EDARADD: variants seen among roughly 807,000 people sequenced by gnomAD.
EDARADD encodes ectodysplasin-A receptor-associated adapter protein.
In EDARADD, 20 loss-of-function variants were observed where a neutral mutation model predicts 25.6. That is an observed-to-expected ratio of 0.78 (90% confidence interval 0.55 to 1.14). The LOEUF (loss-of-function observed/expected upper bound fraction) is 1.14, where lower values mean the gene tolerates loss of function less well. EDARADD is among the 50% of genes most tolerant of loss of function. The probability of loss-of-function intolerance (pLI) is 0.00; values close to 1 mark genes in which losing one functional copy is unlikely to be tolerated. For synonymous variants in EDARADD, 86 were observed against 94.4 expected (o/e 0.91, Z 0.52); for missense variants, 225 against 270.1 (o/e 0.83, Z 1.17).
chr1:236,391,443 A>C (rs1667424986), upstream of EDARADD, among the ~76,000 whole-genome samples: 1 of 152,196 alleles, frequency 6.6e-6, no homozygotes, highest in African/African-American at 2.4e-5. Context: ...TCCATCACAT[A>C]TGATTCACTA....
intron 1 of EDARADD, among the ~76,000 whole-genome samples, chr1:236,396,338 T>C (rs1225344621): frequency 6.6e-6 from 1 of 152,200 alleles, no homozygotes; most frequent in Non-Finnish European, 1.5e-5. Context: ...CCTGGAGTTC[T>C]CTCTCTCCGC....
intron 4 of EDARADD, among the ~76,000 whole-genome samples, chr1:236,438,009 C>T (rs1367201533): frequency 6.6e-6 from 1 of 152,082 alleles, no homozygotes; most frequent in Non-Finnish European, 1.5e-5. Context: ...TGCGCCCTGC[C>T]CAGGGTCGGT....
chr1:236,419,491 G>T (rs1405569207), intron 3 of EDARADD, among the ~76,000 whole-genome samples: 3 of 51,404 alleles, frequency 5.8e-5, no homozygotes, highest in Non-Finnish European at 2.6e-4. Context: ...TTTTGACATT[G>T]TGGGGATGAC....
intron 3 of EDARADD, among the ~76,000 whole-genome samples, chr1:236,384,291 T>C (rs1251869559): frequency 6.6e-6 from 1 of 152,264 alleles, no homozygotes; most frequent in Non-Finnish European, 1.5e-5. Flanking sequence ...TCTATGTCTC[T>C]GCAATCTTGC....
chr1:236,384,428 G>C (rs1253049326), intron 3 of EDARADD, among the ~76,000 whole-genome samples: 1 of 152,104 alleles, frequency 6.6e-6, no homozygotes, highest in Admixed American at 6.5e-5. Context: ...TAAAAGATGG[G>C]GTCTTGCTCT....
At chr1:236,471,372 G>A (rs1321161832) in intron 5 of EDARADD, among the ~76,000 whole-genome samples, 6 of 151,602 alleles carry the variant, frequency 4.0e-5, no homozygotes, top group East Asian at 3.9e-4. Context: ...ATAATGTGGT[G>A]TGTGTGTGTG....
intron 3 of EDARADD, among the ~76,000 whole-genome samples, chr1:236,426,336 G>T (rs1657918353): frequency 6.6e-6 from 1 of 152,120 alleles, no homozygotes; most frequent in Non-Finnish European, 1.5e-5. Context: ...TATGGGGATG[G>T]ACAAACACAC....
intron 4 of EDARADD, among the ~76,000 whole-genome samples, chr1:236,432,537 T>C (rs1244546338): frequency 6.6e-6 from 1 of 152,196 alleles, no homozygotes; most frequent in Non-Finnish European, 1.5e-5. Flanking sequence ...GACATTGTCT[T>C]CTATGTTGTT....
At chr1:236,363,006 A>AAAAAT (rs1377112051) in intron 3 of EDARADD, among the ~76,000 whole-genome samples, 33 of 42,940 alleles carry the variant, frequency 7.7e-4, no homozygotes, top group African/African-American at 2.9e-3. Flanking sequence ...AAAAAAAAAA[A>AAAAAT]ATATATATAT....
intron 4 of EDARADD, among the ~76,000 whole-genome samples, chr1:236,435,009 G>A (rs1658203985): frequency 6.6e-6 from 1 of 152,170 alleles, no homozygotes; most frequent in Non-Finnish European, 1.5e-5. Context: ...AGATAAAGGT[G>A]TGTGGAGTTT....
intron 1 of EDARADD, among the ~76,000 whole-genome samples, chr1:236,403,772 C>T (rs201555179): frequency 7.9e-4 from 120 of 152,348 alleles, no homozygotes; most frequent in African/African-American, 2.8e-3. Context: ...GCAGCCCGCC[C>T]TGCCTGCTCT....
At chr1:236,414,133 T>C in intron 2 of EDARADD, 127 bp from the exon 3 acceptor site, 1 of 793,252 alleles carries the variant, frequency 1.3e-6, no homozygotes, top group South Asian at 1.4e-5. Flanking sequence ...GGCCAGTTGA[T>C]AAGTTTGAGG....
intron 5 of EDARADD, among the ~76,000 whole-genome samples, chr1:236,479,181 A>G (rs12566448): frequency 0.18 from 26,931 of 151,940 alleles, 2,959 homozygotes; most frequent in Middle Eastern, 0.27. Context: ...AAAAGAAAAA[A>G]GAAAAAGTAC....
chr1:236,381,772 ATG>A (rs1256745669), intron 3 of EDARADD, among the ~76,000 whole-genome samples: 1 of 28,756 alleles, frequency 3.5e-5, no homozygotes. Context: ...CCTCTGTAAT[ATG>A]TCTTTTTTTT....
At chr1:236,368,209 C>T (rs923680628) in intron 3 of EDARADD, among the ~76,000 whole-genome samples, 2 of 152,138 alleles carry the variant, frequency 1.3e-5, no homozygotes, top group African/African-American at 2.4e-5. Flanking sequence ...AAACTTTCAT[C>T]ATATAACTCA....
At chr1:236,428,701 G>A (rs1393725086) in intron 4 of EDARADD, among the ~76,000 whole-genome samples, 7 of 132,746 alleles carry the variant, frequency 5.3e-5, no homozygotes, top group African/African-American at 1.6e-4. Context: ...CTGGGCTGCC[G>A]GGCAGAGACG....
At chr1:236,436,736 G>A (rs1658264648) in intron 4 of EDARADD, among the ~76,000 whole-genome samples, 1 of 151,946 alleles carries the variant, frequency 6.6e-6, no homozygotes, top group South Asian at 2.1e-4. Flanking sequence ...AAGTCAAGAA[G>A]TTGAGTTAGT....
chr1:236,350,440 A>AT (rs1468324797), intron 2 of EDARADD, among the ~76,000 whole-genome samples: 1 of 152,076 alleles, frequency 6.6e-6, no homozygotes, highest in Non-Finnish European at 1.5e-5. Flanking sequence ...TTTTTATTTT[A>AT]TTTTTTGTAT....
intron 3 of EDARADD, among the ~76,000 whole-genome samples, chr1:236,375,819 C>T (rs1304181617): frequency 2.0e-5 from 3 of 151,138 alleles, no homozygotes; most frequent in Non-Finnish European, 2.9e-5. Context: ...TCCAGGAGGT[C>T]AGGGCTACAG....
Sources: gnomAD v4.1 joint callset for allele counts (sites outside exome capture counted in the v4.1 genomes callset) on GRCh38, gnomAD v4.1.1 for gene constraint, MANE v1.5 for transcripts, NCBI Gene and HGNC (gene_info 2026-07-23, HGNC 2026-07-21) for gene names.